Variants in SLC4A10 observed in about 807,000 individuals in gnomAD.
SLC4A10 encodes sodium-driven chloride bicarbonate exchanger.
Under a neutral mutation model 137.7 loss-of-function variants are expected in SLC4A10, and 42 were observed. The ratio of observed to expected loss-of-function variants is 0.30; its 90% confidence interval spans 0.24 to 0.39. The LOEUF (loss-of-function observed/expected upper bound fraction) is 0.39. Among genes scored for constraint, SLC4A10 ranks in the 10% least tolerant of loss-of-function variants. SLC4A10 has a pLI of 1.00. For missense variants in SLC4A10, 925 were observed against 1,355.0 expected (o/e 0.68, Z 4.98); for synonymous variants, 474 against 464.1 (o/e 1.02, Z -0.27).
At chr2:161,823,325 G>GTAGC (rs753095348) in intron 3 of SLC4A10, among the ~76,000 whole-genome samples, 2 of 152,210 alleles carry the variant, frequency 1.3e-5, no homozygotes, top group African/African-American at 2.4e-5. Context: ...TAATAATGTT[G>GTAGC]TAGCCACTTG....
intron 11 of SLC4A10, among the ~76,000 whole-genome samples, chr2:161,897,840 A>G (rs1191983765): frequency 6.6e-6 from 1 of 152,138 alleles, no homozygotes; most frequent in East Asian, 1.9e-4. Flanking sequence ...TATTTGGAGA[A>G]ATGCAGCAAA....
intron 1 of SLC4A10, among the ~76,000 whole-genome samples, chr2:161,739,365 A>G (rs1453557048): frequency 6.6e-6 from 1 of 152,036 alleles, no homozygotes; most frequent in Non-Finnish European, 1.5e-5. Context: ...ATTTTGGCCA[A>G]CCAATGTTTT....
intron 8 of SLC4A10, 58 bp downstream of exon 8, chr2:161,874,063 G>A (rs1216773578): frequency 1.4e-6 from 2 of 1,466,454 alleles, no homozygotes; most frequent in African/African-American, 2.8e-5. Context: ...TCACTGTATG[G>A]AGGCATGTGA....
chr2:161,839,688 G>C, intron 3 of SLC4A10, 101 bp from the exon 4 acceptor site: 1 of 1,310,118 alleles, frequency 7.6e-7, no homozygotes, highest in Non-Finnish European at 1.1e-6. Context: ...AGCTTGGGGT[G>C]GTGCGAGCTT....
chr2:161,738,713 C>G (rs1490055583), intron 1 of SLC4A10, among the ~76,000 whole-genome samples: 1 of 152,154 alleles, frequency 6.6e-6, no homozygotes, highest in Non-Finnish European at 1.5e-5. Context: ...TTTAGTCATT[C>G]CTTTACCCTC....
chr2:161,950,181 G>T (rs1013850813), intron 18 of SLC4A10, among the ~76,000 whole-genome samples: 21 of 151,946 alleles, frequency 1.4e-4, no homozygotes, highest in Non-Finnish European at 2.2e-4. Flanking sequence ...GATGTATTTT[G>T]TTTAGATGTC....
At chr2:161,921,151 C>A (rs137926702) in intron 15 of SLC4A10, among the ~76,000 whole-genome samples, 2 of 152,108 alleles carry the variant, frequency 1.3e-5, no homozygotes, top group Admixed American at 6.5e-5. Flanking sequence ...AAAAAGGAAA[C>A]CTGAACTTAT....
intron 1 of SLC4A10, among the ~76,000 whole-genome samples, chr2:161,725,048 TG>T (rs1395679382): frequency 4.6e-5 from 7 of 152,322 alleles, no homozygotes; most frequent in South Asian, 2.1e-4. Context: ...CTAAATTTTT[TG>T]TTGAATAAGA....
chr2:161,811,400 G>C (rs755034606), intron 3 of SLC4A10, among the ~76,000 whole-genome samples: 4 of 151,674 alleles, frequency 2.6e-5, no homozygotes, highest in Non-Finnish European at 5.9e-5. Flanking sequence ...TCTTCTGCTA[G>C]CTTTTAAAGC....
chr2:161,936,425 C>T (rs2105701593), intron 15 of SLC4A10, among the ~76,000 whole-genome samples: 1 of 152,118 alleles, frequency 6.6e-6, no homozygotes. Flanking sequence ...GCTTTTCTTT[C>T]TTGGGAGAGG....
intron 1 of SLC4A10, among the ~76,000 whole-genome samples, chr2:161,632,933 A>G (rs2105420748): frequency 6.6e-6 from 1 of 151,834 alleles, no homozygotes; most frequent in Non-Finnish European, 1.5e-5. Context: ...ATAATGGGCT[A>G]GAAAATTAAG....
At chr2:161,665,600 T>C (rs2038946990) in intron 1 of SLC4A10, among the ~76,000 whole-genome samples, 1 of 151,784 alleles carries the variant, frequency 6.6e-6, no homozygotes, top group Admixed American at 6.6e-5. Context: ...GGGTTGAATG[T>C]ATAGTAGTAG....
chr2:161,659,330 A>G (rs897065616), intron 1 of SLC4A10, among the ~76,000 whole-genome samples: 14 of 152,246 alleles, frequency 9.2e-5, no homozygotes, highest in Admixed American at 3.9e-4. Flanking sequence ...TTGGGAACTA[A>G]ATAATGTGTA....
At chr2:161,679,686 CGTGTGT>C (rs67726464) in intron 1 of SLC4A10, among the ~76,000 whole-genome samples, 14 of 136,736 alleles carry the variant, frequency 1.0e-4, no homozygotes, top group Middle Eastern at 3.8e-3. Context: ...TGTAGGTCAA[CGTGTGT>C]GTGTGTGTGT....
intron 10 of SLC4A10, among the ~76,000 whole-genome samples, chr2:161,893,640 C>T (rs2105202277): frequency 6.6e-6 from 1 of 152,052 alleles, no homozygotes; most frequent in Admixed American, 6.6e-5. Context: ...TTCAAGGCTG[C>T]AGTGAGGTAT....
intron 1 of SLC4A10, among the ~76,000 whole-genome samples, chr2:161,627,168 A>AAATG (rs2032568697): frequency 6.6e-6 from 1 of 152,148 alleles, no homozygotes; most frequent in South Asian, 2.1e-4. Context: ...TGTTGCTGTA[A>AAATG]AATGAATATA....
At chr2:161,806,181 G>C (rs556090964) in intron 3 of SLC4A10, among the ~76,000 whole-genome samples, 3 of 152,208 alleles carry the variant, frequency 2.0e-5, no homozygotes, top group East Asian at 3.9e-4. Flanking sequence ...GAAACACAGG[G>C]CACCAAGTCC....
chr2:161,750,213 A>AT (rs1026995247), intron 1 of SLC4A10, among the ~76,000 whole-genome samples: 22 of 150,700 alleles, frequency 1.5e-4, no homozygotes, highest in Non-Finnish European at 2.7e-4. Flanking sequence ...TAGTTCGATT[A>AT]TTTTTTCTGT....
chr2:161,674,555 T>C (rs2105809088), intron 1 of SLC4A10, among the ~76,000 whole-genome samples: 1 of 152,322 alleles, frequency 6.6e-6, no homozygotes, highest in Admixed American at 6.5e-5. Context: ...TTGAAAATGC[T>C]GTTCTAATGA....
Sources: gnomAD v4.1 joint callset for allele counts (sites outside exome capture counted in the v4.1 genomes callset) on GRCh38, gnomAD v4.1.1 for gene constraint, MANE v1.5 for transcripts, NCBI Gene and HGNC (gene_info 2026-07-23, HGNC 2026-07-21) for gene names.